The following NALF1 variants were observed in gnomAD, a reference collection of about 807,000 sequenced individuals.
The protein encoded by NALF1 is family with sequence similarity 155 member A.
NALF1 carries 3 observed loss-of-function variants against 48.4 expected under a neutral mutation model. The ratio of observed to expected loss-of-function variants is 0.06; its 90% CI spans 0.03 to 0.16. NALF1 has a LOEUF of 0.16. Among genes scored for constraint, NALF1 ranks in the 10% least tolerant of loss-of-function variants. The pLI is 1.00. For missense variants in NALF1, 526 were observed against 571.5 expected (o/e 0.92, Z 0.81); for synonymous variants, 262 against 245.7 (o/e 1.07, Z -0.62).
intron 1 of NALF1, among the ~76,000 whole-genome samples, chr13:107,587,421 G>A (rs552390906): frequency 6.6e-6 from 1 of 152,174 alleles, no homozygotes; most frequent in South Asian, 2.1e-4. Flanking sequence ...TTTCAATTGT[G>A]ACTTGATTTT....
chr13:107,565,541 T>C (rs997307664), intron 1 of NALF1, among the ~76,000 whole-genome samples: 1 of 152,136 alleles, frequency 6.6e-6, no homozygotes, highest in African/African-American at 2.4e-5. Context: ...CACGAAGATA[T>C]TTTGAGAAGA....
intron 1 of NALF1, among the ~76,000 whole-genome samples, chr13:107,856,977 C>T (rs1421986947): frequency 6.6e-6 from 1 of 152,220 alleles, no homozygotes; most frequent in African/African-American, 2.4e-5. Flanking sequence ...CACCTGCACA[C>T]AGAGCCTCAC....
intron 1 of NALF1, among the ~76,000 whole-genome samples, chr13:107,394,455 G>A (rs900283409): frequency 9.2e-5 from 14 of 152,160 alleles, no homozygotes; most frequent in African/African-American, 3.1e-4. Flanking sequence ...ACCTTTGAGA[G>A]TGAAAGAAGG....
chr13:107,606,705 G>T (rs1367635639), intron 1 of NALF1, among the ~76,000 whole-genome samples: 4 of 152,018 alleles, frequency 2.6e-5, no homozygotes, highest in Non-Finnish European at 4.4e-5. Context: ...AAAAATATTT[G>T]TTGACAAATT....
chr13:107,332,785 C>T (rs1047435219), intron 1 of NALF1, among the ~76,000 whole-genome samples: 4 of 152,116 alleles, frequency 2.6e-5, no homozygotes, highest in Admixed American at 1.3e-4. Context: ...TCCCACGAAC[C>T]TTTGTTCACA....
intron 1 of NALF1, among the ~76,000 whole-genome samples, chr13:107,707,860 TG>T (rs1445570549): frequency 6.6e-6 from 1 of 152,184 alleles, no homozygotes; most frequent in African/African-American, 2.4e-5. Context: ...TAACTCTTAC[TG>T]ATACTCTATA....
At chr13:107,661,605 C>T (rs1254780328) in intron 1 of NALF1, among the ~76,000 whole-genome samples, 5 of 152,078 alleles carry the variant, frequency 3.3e-5, no homozygotes, top group African/African-American at 1.2e-4. Context: ...CAAGACATGC[C>T]ACATAACCTG....
chr13:107,618,736 C>T (rs1411474106), intron 1 of NALF1, among the ~76,000 whole-genome samples: 2 of 152,096 alleles, frequency 1.3e-5, no homozygotes, highest in South Asian at 2.1e-4. Context: ...CTCTGACTGA[C>T]CACTTGTTAG....
chr13:107,481,350 C>T (rs1486713088), intron 1 of NALF1, among the ~76,000 whole-genome samples: 1 of 152,260 alleles, frequency 6.6e-6, no homozygotes, highest in East Asian at 1.9e-4. Context: ...GCTAACGATA[C>T]ATCTTGTCAC....
chr13:107,771,938 T>C (rs1005247252), intron 1 of NALF1, among the ~76,000 whole-genome samples: 3 of 152,170 alleles, frequency 2.0e-5, no homozygotes, highest in African/African-American at 7.2e-5. Context: ...GGTCTCACCA[T>C]GTTGGCCAGG....
intron 1 of NALF1, among the ~76,000 whole-genome samples, chr13:107,660,436 AACACACACACACACACACACAC>A (rs201215515): frequency 6.4e-5 from 6 of 93,632 alleles, no homozygotes; most frequent in Non-Finnish European, 8.3e-5. Context: ...CTGTCTCAAA[AACACACACACACACACACACAC>A]ACACACACAC....
chr13:107,411,390 C>A (rs1423374153), intron 1 of NALF1, among the ~76,000 whole-genome samples: 1 of 151,378 alleles, frequency 6.6e-6, no homozygotes, highest in African/African-American at 2.4e-5. Flanking sequence ...TGGCTCACTG[C>A]ACCCTTGACC....
At chr13:107,791,857 G>C (rs1000352747) in intron 1 of NALF1, among the ~76,000 whole-genome samples, 6 of 152,008 alleles carry the variant, frequency 3.9e-5, no homozygotes, top group African/African-American at 1.4e-4. Flanking sequence ...CTACTCAGGA[G>C]CCTGAGGCAG....
chr13:107,277,014 G>A (rs375349435), intron 1 of NALF1, among the ~76,000 whole-genome samples: 4 of 152,008 alleles, frequency 2.6e-5, no homozygotes, highest in African/African-American at 7.2e-5. Flanking sequence ...TCTCCTAAAC[G>A]TTATGTAAGA....
intron 1 of NALF1, among the ~76,000 whole-genome samples, chr13:107,535,116 T>C (rs942588438): frequency 7.9e-5 from 12 of 152,172 alleles, no homozygotes; most frequent in Non-Finnish European, 1.8e-4. Flanking sequence ...TACAATCATG[T>C]CATCTGCAAA....
intron 2 of NALF1, among the ~76,000 whole-genome samples, chr13:107,173,106 T>G (rs1156505246): frequency 6.6e-6 from 1 of 152,348 alleles, no homozygotes; most frequent in South Asian, 2.1e-4. Context: ...CTCAAATTCT[T>G]CTTTCTCAAA....
intron 1 of NALF1, among the ~76,000 whole-genome samples, chr13:107,546,239 G>A (rs895688667): frequency 1.6e-4 from 24 of 152,138 alleles, no homozygotes; most frequent in African/African-American, 5.8e-4. Flanking sequence ...TGAAAAGAGG[G>A]AAAGCTGCCA....
At chr13:107,384,664 C>T (rs1488182087) in intron 1 of NALF1, among the ~76,000 whole-genome samples, 1 of 152,038 alleles carries the variant, frequency 6.6e-6, no homozygotes, top group African/African-American at 2.4e-5. Context: ...ACATATGAAC[C>T]TTTGTGTGCC....
chr13:107,262,769 GCT>G lies in NALF1; in HGVS notation c.916-52016_916-52015del, dbSNP rs1555329321. 8.9e-3 allele frequency among the ~76,000 whole-genome samples: 1,286 copies of G among 144,064 alleles called. 19 individuals are homozygous for G. The highest frequency in any genetic ancestry group is 0.03 in the African/African-American group (1,141 of 37,790). 94.5% of individuals were successfully genotyped at this position (144,064 alleles called of 152,430 possible). On this transcript the variant is annotated intron_variant, in intron 1 of 2. Coordinates refer to ENST00000375915, the MANE Select transcript of NALF1 (RefSeq NM_001080396.3). ...ATATTAAGTTGCATAACCCACAGGC[GCT>G]CTCTCTCTCTCTCTCTCTCTCTCTC...
Sources: allele counts gnomAD v4.1 joint callset (sites outside exome capture counted in the v4.1 genomes callset), GRCh38; gene constraint gnomAD v4.1.1; transcripts MANE v1.5; gene names NCBI Gene and HGNC (gene_info 2026-07-23, HGNC 2026-07-21).